Variants in KCND2 observed in about 807,000 individuals in gnomAD.
KCND2 encodes the protein potassium voltage-gated channel subfamily D member 2.
In KCND2, 16 loss-of-function variants were observed where a neutral mutation model predicts 54.4. That is an observed-to-expected ratio of 0.29 (90% CI 0.20 to 0.45). The LOEUF is 0.45. KCND2 is among the 20% of genes least tolerant of loss of function. The probability of loss-of-function intolerance (pLI) is 1.00; values close to 1 mark genes in which losing one functional copy is unlikely to be tolerated. For synonymous variants in KCND2, 317 were observed against 310.7 expected, an observed-to-expected ratio of 1.02 and a Z score of -0.21; for missense variants, 486 against 824.2, an observed-to-expected ratio of 0.59 and a Z score of 5.02.
At chr7:120,730,007 CAT>C (rs1037107014) in intron 1 of KCND2, among the ~76,000 whole-genome samples, 1 of 152,044 alleles carries the variant, frequency 6.6e-6, no homozygotes, top group Non-Finnish European at 1.5e-5. Flanking sequence ...TATCCTATGA[CAT>C]AGTGATCCTA....
chr7:120,386,393 C>T (rs1052829272), intron 1 of KCND2, among the ~76,000 whole-genome samples: 1 of 152,100 alleles, frequency 6.6e-6, no homozygotes, highest in African/African-American at 2.4e-5. Context: ...CCTCTTCCCC[C>T]TCAATGGTGC....
chr7:120,638,605 G>A lies in KCND2; in HGVS notation c.1116-94298G>A, dbSNP rs185582311. Among the ~76,000 whole-genome samples, 3 of 152,154 alleles carry A rather than the reference G, an allele frequency of 2.0e-5. No individual in the cohort carries two copies. In the East Asian group the frequency reaches 5.8e-4, roughly 29 times the overall value. On this transcript the variant is annotated intron_variant, in intron 1 of 5. Coordinates refer to ENST00000331113, the MANE Select transcript of KCND2 (RefSeq NM_012281.3). ...GAAAAAATATGATATTAGCCCTAAG[G>A]ATATGTGTGATTTTCAATTTGATGA...
chr7:120,570,370 T>G (rs1453665537), intron 1 of KCND2, among the ~76,000 whole-genome samples: 1 of 151,072 alleles, frequency 6.6e-6, no homozygotes, highest in Non-Finnish European at 1.5e-5. Context: ...GTGCATTATA[T>G]CCACGTAATA....
intron 1 of KCND2, among the ~76,000 whole-genome samples, chr7:120,389,485 T>C (rs1370837819): frequency 1.3e-5 from 2 of 151,790 alleles, no homozygotes; most frequent in African/African-American, 4.8e-5. Flanking sequence ...ATCTTATACA[T>C]CTGCAACTTT....
At chr7:120,636,826 C>G (rs1288053080) in intron 1 of KCND2, among the ~76,000 whole-genome samples, 1 of 152,144 alleles carries the variant, frequency 6.6e-6, no homozygotes, top group Non-Finnish European at 1.5e-5. Context: ...CAGTTTTCTC[C>G]TCTACAATCT....
chr7:120,614,116 G>T (rs866345324), intron 1 of KCND2, among the ~76,000 whole-genome samples: 5 of 151,708 alleles, frequency 3.3e-5, no homozygotes, highest in Admixed American at 1.3e-4. Context: ...GGGTTCAAGT[G>T]ATTCTCCTGG....
intron 1 of KCND2, among the ~76,000 whole-genome samples, chr7:120,703,418 T>C (rs1792427334): frequency 6.6e-6 from 1 of 152,308 alleles, no homozygotes. Context: ...TGAACCCTAT[T>C]GAGAATAATT....
At chr7:120,535,289 T>G (rs1180097738) in intron 1 of KCND2, among the ~76,000 whole-genome samples, 1 of 151,828 alleles carries the variant, frequency 6.6e-6, no homozygotes, top group Non-Finnish European at 1.5e-5. Flanking sequence ...TTTGGACACT[T>G]TTAGTCATAA....
chr7:120,698,036 T>G, intron 1 of KCND2, among the ~76,000 whole-genome samples: 1 of 145,158 alleles, frequency 6.9e-6, no homozygotes, highest in East Asian at 2.0e-4. Context: ...TTTTTTTTTT[T>G]TTTTTTTTTG....
At chr7:120,667,428 T>C (rs573050604) in intron 1 of KCND2, among the ~76,000 whole-genome samples, 14 of 152,170 alleles carry the variant, frequency 9.2e-5, no homozygotes, top group Admixed American at 8.5e-4. Flanking sequence ...TTATCTCATC[T>C]TCATCTCCAA....
chr7:120,460,112 C>T (rs1192225338), intron 1 of KCND2, among the ~76,000 whole-genome samples: 1 of 151,992 alleles, frequency 6.6e-6, no homozygotes, highest in Non-Finnish European at 1.5e-5. Context: ...CTTTTCCTAG[C>T]TATATTCTAG....
At chr7:120,432,407 G>A (rs148422342) in intron 1 of KCND2, among the ~76,000 whole-genome samples, 100 of 152,170 alleles carry the variant, frequency 6.6e-4, no homozygotes, top group African/African-American at 2.3e-3. Context: ...TATTTGTCTA[G>A]CATTGTGTGG....
chr7:120,345,838 T>C (rs1398619056), intron 1 of KCND2, among the ~76,000 whole-genome samples: 1 of 152,236 alleles, frequency 6.6e-6, no homozygotes, highest in East Asian at 1.9e-4. Context: ...AGATCTTGTT[T>C]TTAATCCTTT....
rs1793001262 is a variant in KCND2, at chr7:120,745,972, C to A, written c.1660C>A (p.Gln554Lys). ...ATCAGGAAGCCATCAAGGTAGTATACAAGAACTCAGCACGATTCAGATCAG... is the reference window on the plus strand; with the variant it reads ...ATCAGGAAGCCATCAAGGTAGTATAAAAGAACTCAGCACGATTCAGATCAG... ...NVSGSHQGSI[Q>K]ELSTIQIRCV... is the part of the protein sequence containing the mutation. The change falls in exon 5 of 6, where the codon CAA (glutamine) becomes AAA (lysine). Residue 554 changes from glutamine to lysine, a missense_variant. This residue lies in a region of KCND2 where 202 missense variants were observed against 252.7 expected (regional missense o/e 0.80). Transcript: ENST00000331113. 1 of 1,613,694 alleles carries A rather than the reference C, an allele frequency of 6.2e-7. No homozygotes were observed.
intron 1 of KCND2, among the ~76,000 whole-genome samples, chr7:120,559,630 A>G (rs1210574373): frequency 6.6e-6 from 1 of 152,166 alleles, no homozygotes; most frequent in Admixed American, 6.6e-5. Flanking sequence ...AGCAATTTAT[A>G]CTCAGGAGGA....
At chr7:120,381,621 T>C (rs965015701) in intron 1 of KCND2, among the ~76,000 whole-genome samples, 5 of 152,066 alleles carry the variant, frequency 3.3e-5, no homozygotes, top group Non-Finnish European at 1.5e-5. Flanking sequence ...GAACTGTCAT[T>C]TGTAATTTCA....
rs146375043 is a variant in KCND2, at chr7:120,507,569, G to A, written c.1116-225334G>A. The stretch of plus-strand genomic sequence containing the variant: ...ACATGCCCATTGCTCTTCCTCCTTC[G>A]TCTTGGTTGGAATGCAAATATGATG... On this transcript the variant is annotated intron_variant, in intron 1 of 5. Coordinates refer to ENST00000331113, the MANE Select transcript of KCND2 (RefSeq NM_012281.3). Among the ~76,000 whole-genome samples, 387 of 151,848 alleles carry A rather than the reference G, an allele frequency of 2.5e-3. 7 individuals carry two copies. The highest frequency in any genetic ancestry group is 0.012 in the Admixed American group (186 of 15,206).
At chr7:120,371,221 G>A (rs972763819) in intron 1 of KCND2, among the ~76,000 whole-genome samples, 3 of 151,966 alleles carry the variant, frequency 2.0e-5, no homozygotes, top group East Asian at 3.9e-4. Context: ...GCAGAGCCTT[G>A]CTATATACAT....
At chr7:120,432,700 A>C (rs998229449) in intron 1 of KCND2, among the ~76,000 whole-genome samples, 1 of 152,090 alleles carries the variant, frequency 6.6e-6, no homozygotes, top group African/African-American at 2.4e-5. Flanking sequence ...GCTGGACTGC[A>C]CTGGCACGAT....
Sources: gnomAD v4.1 joint callset for allele counts (sites outside exome capture counted in the v4.1 genomes callset) on GRCh38, gnomAD v4.1.1 for gene constraint, gnomAD v4.1.1 regional missense constraint, MANE v1.5 for transcripts, NCBI Gene and HGNC (gene_info 2026-07-23, HGNC 2026-07-21) for gene names.